NIM1K: variants seen among roughly 807,000 people sequenced by gnomAD.
NIM1K encodes NIM1 serine/threonine protein kinase.
In NIM1K, 35 loss-of-function variants were observed where a neutral mutation model predicts 37.1. The ratio of observed to expected loss-of-function variants is 0.94; its 90% CI spans 0.72 to 1.25. The LOEUF is 1.25. Ranked by LOEUF, NIM1K falls within the 50% of genes most tolerant of loss-of-function variation. NIM1K has a pLI of 0.00. For missense variants in NIM1K, 564 were observed against 548.0 expected (o/e 1.03, Z -0.29); for synonymous variants, 234 against 206.6 (o/e 1.13, Z -1.14).
At chr5:43,223,737 C>T (rs1481918834) in intron 1 of NIM1K, among the ~76,000 whole-genome samples, 1 of 152,152 alleles carries the variant, frequency 6.6e-6, no homozygotes, top group African/African-American at 2.4e-5. Context: ...GGTGGGAAAC[C>T]TTTGAGCCCC....
intron 2 of NIM1K, among the ~76,000 whole-genome samples, chr5:43,265,560 G>C (rs1054659697): frequency 6.6e-6 from 1 of 152,114 alleles, no homozygotes; most frequent in African/African-American, 2.4e-5. Flanking sequence ...AGATGGGTTC[G>C]AACATCCTCC....
At chr5:43,265,290 A>T (rs1326511263) in intron 2 of NIM1K, among the ~76,000 whole-genome samples, 1 of 152,140 alleles carries the variant, frequency 6.6e-6, no homozygotes, top group Admixed American at 6.5e-5. Context: ...ATATAGTCCC[A>T]TATTTCTTGG....
At chr5:43,271,873 A>T (rs899331522) in intron 2 of NIM1K, among the ~76,000 whole-genome samples, 3 of 152,142 alleles carry the variant, frequency 2.0e-5, no homozygotes, top group African/African-American at 7.2e-5. Flanking sequence ...TCCGTTCTCC[A>T]TTTCTATAAT....
intron 1 of NIM1K, among the ~76,000 whole-genome samples, chr5:43,195,453 T>G (rs1303538016): frequency 6.6e-6 from 1 of 151,838 alleles, no homozygotes; most frequent in Non-Finnish European, 1.5e-5. Flanking sequence ...AGCCCAGGAG[T>G]TCGAGACCAG....
At position 43,280,289 on chromosome 5, in the gene NIM1K, C is replaced by G. The variant is rs773927204; in HGVS notation, c.871C>G (p.Pro291Ala). 6.2e-6 allele frequency: 10 copies of G among 1,613,998 alleles called. No individual in the cohort carries two copies. Among genetic ancestry groups the G allele is most frequent in the African/African-American group, 1.3e-5 (1 of 74,900 alleles). Residue 291 changes from proline to alanine, a missense_variant, in exon 4 of 4, where the codon CCG becomes GCG. Transcript: ENST00000326035. ...CATCCTCGAGGGCACATACAGTGTACCGCCGCACGTGTCAGAGCCCTGCCA... is the reference window on the plus strand; with the variant it reads ...CATCCTCGAGGGCACATACAGTGTAGCGCCGCACGTGTCAGAGCCCTGCCA... ...KSILEGTYSV[P>A]PHVSEPCHRL... is the part of the protein sequence containing the mutation.
At chr5:43,236,631 C>T (rs1752625866) in intron 1 of NIM1K, among the ~76,000 whole-genome samples, 1 of 152,222 alleles carries the variant, frequency 6.6e-6, no homozygotes, top group African/African-American at 2.4e-5. Context: ...TGCACTTGGT[C>T]ACTGACGTAG....
rs1215729676 is a variant in NIM1K, at chr5:43,271,006, A to T, written c.293-6051A>T. Among the ~76,000 whole-genome samples, 4 of 151,586 alleles carry T rather than the reference A, an allele frequency of 2.6e-5. No individual in the cohort carries two copies. In the South Asian group the frequency reaches 6.2e-4, roughly 24 times the overall value. On this transcript the variant is annotated intron_variant, in intron 2 of 3. Transcript: ENST00000326035. ...TGTAATTTGTCTTCATGTTTATATCATTTCCCCCATAGCAGCCAGAGGTGA... is the reference window on the plus strand; with the variant it reads ...TGTAATTTGTCTTCATGTTTATATCTTTTCCCCCATAGCAGCCAGAGGTGA...
chr5:43,278,831 G>A (rs930117816), intron 3 of NIM1K, among the ~76,000 whole-genome samples: 1 of 152,186 alleles, frequency 6.6e-6, no homozygotes, highest in African/African-American at 2.4e-5. Context: ...AAAAAGAAGT[G>A]AGCCAGGGAG....
At chr5:43,223,793 A>T (rs763632963) in intron 1 of NIM1K, among the ~76,000 whole-genome samples, 8 of 152,190 alleles carry the variant, frequency 5.3e-5, no homozygotes, top group Non-Finnish European at 1.2e-4. Context: ...TTTTGTTTCA[A>T]ATTAGGTTGA....
chr5:43,220,498 C>T (rs1044549768), intron 1 of NIM1K, among the ~76,000 whole-genome samples: 2 of 152,084 alleles, frequency 1.3e-5, no homozygotes, highest in Admixed American at 6.6e-5. Flanking sequence ...CCAGGCTGAT[C>T]GCAAACTCCT....
At chr5:43,258,467 G>A (rs1302419877) in intron 2 of NIM1K, among the ~76,000 whole-genome samples, 4 of 151,234 alleles carry the variant, frequency 2.6e-5, no homozygotes, top group Middle Eastern at 3.4e-3. Context: ...TTTGAGGCAG[G>A]GTTTTGCTTT....
intron 1 of NIM1K, among the ~76,000 whole-genome samples, chr5:43,197,236 C>T (rs1188940939): frequency 2.6e-5 from 4 of 152,098 alleles, no homozygotes; most frequent in Non-Finnish European, 5.9e-5. Flanking sequence ...ACAAGTGATC[C>T]TCTCATTTCA....
In NIM1K at chr5:43,264,177, G is replaced by GC. The variant is rs1753083154; in HGVS notation, c.293-12880_293-12879insC. 2.6e-5 allele frequency among the ~76,000 whole-genome samples: 4 copies of GC among 152,304 alleles called. No individual in the cohort carries two copies. In the South Asian group the frequency reaches 6.2e-4, roughly 24 times the overall value. On this transcript the variant is annotated intron_variant, in intron 2 of 3. Coordinates refer to ENST00000326035, the MANE Select transcript of NIM1K (RefSeq NM_153361.4). ...CTGAGTTCAAGTCCTGGATATCCTT[G>GC]TTAACTTTCTGTCTCATTGATCTGT...
chr5:43,229,124 G>A (rs961902119), intron 1 of NIM1K, among the ~76,000 whole-genome samples: 4 of 152,206 alleles, frequency 2.6e-5, no homozygotes, highest in Non-Finnish European at 5.9e-5. Context: ...GCTCATGCCT[G>A]TAATTCCAGC....
intron 2 of NIM1K, among the ~76,000 whole-genome samples, chr5:43,261,259 C>A (rs1307941167): frequency 4.6e-5 from 7 of 152,312 alleles, no homozygotes; most frequent in Middle Eastern, 3.4e-3. Flanking sequence ...TATCCACATC[C>A]TCTCTAGCAC....
At chr5:43,239,147 C>A (rs556092461) in intron 1 of NIM1K, among the ~76,000 whole-genome samples, 2 of 152,120 alleles carry the variant, frequency 1.3e-5, no homozygotes, top group South Asian at 2.1e-4. Context: ...TCCTTGTCTG[C>A]AAAGTTGCTT....
At chr5:43,230,490 G>A (rs749583350) in intron 1 of NIM1K, among the ~76,000 whole-genome samples, 1 of 152,016 alleles carries the variant, frequency 6.6e-6, no homozygotes, top group Non-Finnish European at 1.5e-5. Flanking sequence ...AGCCAAAACT[G>A]GGAAATACAG....
chr5:43,255,248 C>T (rs1274218007), intron 2 of NIM1K, among the ~76,000 whole-genome samples: 2 of 152,182 alleles, frequency 1.3e-5, no homozygotes, highest in Non-Finnish European at 2.9e-5. Flanking sequence ...ATAATACTTA[C>T]TCCAGGTTCT....
At chr5:43,241,479 ACAGGTGTGCACCACCACGCC>A (rs1373390158) in intron 1 of NIM1K, among the ~76,000 whole-genome samples, 1 of 151,690 alleles carries the variant, frequency 6.6e-6, no homozygotes, top group African/African-American at 2.4e-5. Context: ...AGCTGGGACT[ACAGGTGTGCACCACCACGCC>A]CAGCTAATAT....
Sources: gnomAD v4.1 joint callset for allele counts (sites outside exome capture counted in the v4.1 genomes callset) on GRCh38, gnomAD v4.1.1 for gene constraint, MANE v1.5 for transcripts, NCBI Gene and HGNC (gene_info 2026-07-23, HGNC 2026-07-21) for gene names.